Variants in IRAG1 observed in about 807,000 individuals in gnomAD.
The protein encoded by IRAG1 is IP3R-associated cGMP kinase substrate.
Under a neutral mutation model 106.2 loss-of-function variants are expected in IRAG1, and 62 were observed. The observed-to-expected ratio is 0.58, with a 90% confidence interval of 0.48 to 0.72. IRAG1 has a LOEUF of 0.72. Ranked by LOEUF, IRAG1 falls within the 30% of genes least tolerant of loss-of-function variation. The pLI is 0.00. For missense variants in IRAG1, 1,064 were observed against 1,140.7 expected, an observed-to-expected ratio of 0.93 and a Z score of 0.97; for synonymous variants, 462 against 443.9, an observed-to-expected ratio of 1.04 and a Z score of -0.51.
intron 3 of IRAG1, among the ~76,000 whole-genome samples, chr11:10,633,543 A>T (rs1856907790): frequency 6.6e-6 from 1 of 152,206 alleles, no homozygotes; most frequent in Non-Finnish European, 1.5e-5. Context: ...AGGATTCTAC[A>T]TTCAAACACC....
chr11:10,661,308 C>A (rs1859384835), intron 1 of IRAG1, among the ~76,000 whole-genome samples: 4 of 152,184 alleles, frequency 2.6e-5, no homozygotes, highest in Admixed American at 2.6e-4. Flanking sequence ...TCCTCCAAGA[C>A]CCAGTTCACA....
At chr11:10,660,496 A>G (rs1042714935) in intron 1 of IRAG1, among the ~76,000 whole-genome samples, 2 of 152,056 alleles carry the variant, frequency 1.3e-5, no homozygotes, top group Non-Finnish European at 2.9e-5. Flanking sequence ...GGCAAACACT[A>G]TGTACATATC....
intron 1 of IRAG1, among the ~76,000 whole-genome samples, chr11:10,669,108 TTGG>T (rs1414049085): frequency 1.4e-4 from 21 of 152,358 alleles, no homozygotes; most frequent in African/African-American, 4.8e-4. Context: ...AGGGGGCAAT[TTGG>T]TGGACCCATT....
chr11:10,636,948 G>A (rs762623388), intron 2 of IRAG1, among the ~76,000 whole-genome samples: 9 of 152,210 alleles, frequency 5.9e-5, no homozygotes, highest in Admixed American at 1.3e-4. Context: ...GATAGGAGAG[G>A]TCAGGGCTGG....
chr11:10,673,699 T>TA (rs544085246), intron 1 of IRAG1, among the ~76,000 whole-genome samples: 22 of 147,382 alleles, frequency 1.5e-4, no homozygotes, highest in South Asian at 4.3e-4. Flanking sequence ...TAACTTCCAT[T>TA]AAAAAAAAAA....
chr11:10,580,320 T>G, intron 20 of IRAG1, 135 bp downstream of exon 20: 1 of 1,356,588 alleles, frequency 7.4e-7, no homozygotes, highest in Middle Eastern at 1.9e-4. Context: ...CCTCTTGGTT[T>G]CTTGGGCTAC....
intron 20 of IRAG1, among the ~76,000 whole-genome samples, chr11:10,578,577 C>G (rs1335875097): frequency 6.6e-6 from 1 of 152,212 alleles, no homozygotes; most frequent in Non-Finnish European, 1.5e-5. Flanking sequence ...GGACATGGAA[C>G]TCTTAATAAC....
At position 10,628,975 on chromosome 11, in the gene IRAG1, TC is replaced by T. The variant is rs1856485186; in HGVS notation, c.575-148del. 4.0e-6 allele frequency: 3 copies of T among 744,982 alleles called. No individual in the cohort carries two copies. The highest frequency in any genetic ancestry group is 6.5e-6 in the Non-Finnish European group (3 of 458,880). 46.1% of individuals were successfully genotyped at this position (744,982 alleles called of 1,614,324 possible). On this transcript the variant is annotated intron_variant, in intron 5 of 20. Transcript: ENST00000423302. This position sits in a 1 kb window ranked among gnomAD's most constrained non-coding sequence, Gnocchi z 4.1. The stretch of plus-strand genomic sequence containing the variant: ...CTGATGCTGGACTGCAATATGATGC[TC>T]CTGTTACAGCCCAACCCCTCCCTGC...
Position 10,626,186 on chromosome 11 carries a change from G to C in IRAG1, c.1148C>G (p.Thr383Ser). Residue 383 changes from threonine to serine, a missense_variant, in exon 9 of 21, where the codon ACT becomes AGT. Transcript: ENST00000423302. Reference protein sequence around the residue: ...EAGSKAELPPTVSRPPLLRGL... With the variant: ...EAGSKAELPPSVSRPPLLRGL... ...TCGCAGCAGCGGGGGCCGGGACACA[G>C]TGGGTGGAAGCTCAGCTTTGGAGCC... 1 of 1,561,540 alleles carries C rather than the reference G, an allele frequency of 6.4e-7. No homozygotes were observed. The highest frequency in any genetic ancestry group is 2.3e-5 in the East Asian group (1 of 44,284).
intron 3 of IRAG1, among the ~76,000 whole-genome samples, chr11:10,632,278 C>T (rs370406585): frequency 6.6e-6 from 1 of 151,320 alleles, no homozygotes; most frequent in Non-Finnish European, 1.5e-5. Context: ...CTCTGCCTCC[C>T]AGGTTCAAGC....
At chr11:10,688,110 G>A (rs1861800228) in intron 1 of IRAG1, among the ~76,000 whole-genome samples, 4 of 151,278 alleles carry the variant, frequency 2.6e-5, no homozygotes, top group Admixed American at 2.0e-4. Context: ...AAAAAAAAGT[G>A]AAATCTGAAA....
chr11:10,680,155 C>T (rs1030341569), intron 1 of IRAG1, among the ~76,000 whole-genome samples: 3 of 151,524 alleles, frequency 2.0e-5, no homozygotes, highest in Non-Finnish European at 4.4e-5. Flanking sequence ...TGCCTGTAAT[C>T]CCAGCTACTT....
intron 1 of IRAG1, chr11:10,687,880 G>A: frequency 2.8e-6 from 3 of 1,059,582 alleles, no homozygotes; most frequent in Non-Finnish European, 3.7e-6. Context: ...TTTTTTTGGG[G>A]GGGGGTGGTA....
At chr11:10,629,791 C>A (rs1295419634) in intron 4 of IRAG1, 80 bp from the exon 5 acceptor site, 1 of 1,442,766 alleles carries the variant, frequency 6.9e-7, no homozygotes, top group Non-Finnish European at 9.4e-7. Context: ...CATGCCTCAT[C>A]CCAGGGACTC....
intron 15 of IRAG1, among the ~76,000 whole-genome samples, chr11:10,594,857 T>G (rs1432713695): frequency 6.6e-5 from 10 of 152,196 alleles, no homozygotes; most frequent in Non-Finnish European, 1.2e-4. Context: ...TGCATATCTC[T>G]CTCTTTCATA....
At chr11:10,627,314 T>C (rs1278398056) in intron 8 of IRAG1, among the ~76,000 whole-genome samples, 2 of 152,010 alleles carry the variant, frequency 1.3e-5, no homozygotes, top group African/African-American at 4.8e-5. Context: ...GGTGGGGCGC[T>C]TCTGTTGCTC....
chr11:10,652,467 T>C, intron 1 of IRAG1: 1 of 661,518 alleles, frequency 1.5e-6, no homozygotes, highest in African/African-American at 1.9e-5. Flanking sequence ...CTCAAAGCTG[T>C]AGCTAATGGA....
chr11:10,657,573 C>T lies in IRAG1; in HGVS notation c.68-5391G>A, dbSNP rs1277390988. Among the ~76,000 whole-genome samples the T allele has an allele frequency of 6.6e-6, 1 of 152,234 alleles. No homozygotes were observed. The highest frequency in any genetic ancestry group is 1.5e-5 in the Non-Finnish European group (1 of 68,044). ...TTCGGGAAACCATGGGTTAACCTAG[C>T]CTCCACTGACCTTTCTGGAGTGACT... On this transcript the variant is annotated intron_variant, in intron 1 of 20. Coordinates refer to ENST00000423302, the MANE Select transcript of IRAG1 (RefSeq NM_130385.4). The surrounding 1 kb of genome is among the most constrained non-coding windows in gnomAD (Gnocchi z 4.1).
intron 12 of IRAG1, among the ~76,000 whole-genome samples, chr11:10,605,598 G>A (rs988869445): frequency 6.6e-6 from 1 of 152,180 alleles, no homozygotes; most frequent in East Asian, 1.9e-4. Context: ...AAGGTGACAC[G>A]GAGTAACGGA....
Sources: allele counts gnomAD v4.1 joint callset (sites outside exome capture counted in the v4.1 genomes callset), GRCh38; gene constraint gnomAD v4.1.1; non-coding constraint Gnocchi (gnomAD v3.1); transcripts MANE v1.5; gene names NCBI Gene and HGNC (gene_info 2026-07-23, HGNC 2026-07-21).